ZNF521: variants seen among roughly 807,000 people sequenced by gnomAD.
ZNF521 encodes LYST-interacting protein 3.
A neutral mutation model predicts 105.5 loss-of-function variants in ZNF521; 14 were observed. That is an observed-to-expected ratio of 0.13 (90% CI 0.09 to 0.21). The LOEUF (loss-of-function observed/expected upper bound fraction) is 0.21. Among genes scored for constraint, ZNF521 ranks in the 10% least tolerant of loss-of-function variants. ZNF521 has a pLI of 1.00. For missense variants in ZNF521, 1,233 were observed against 1,629.7 expected (o/e 0.76, Z 4.19); for synonymous variants, 635 against 606.0 (o/e 1.05, Z -0.70).
At chr18:25,094,524 T>A (rs2033812503) in intron 5 of ZNF521, among the ~76,000 whole-genome samples, 1 of 152,096 alleles carries the variant, frequency 6.6e-6, no homozygotes, top group Non-Finnish European at 1.5e-5. Flanking sequence ...ACAGCAATGA[T>A]AACAATCACA....
At chr18:25,089,841 T>A (rs1233404381) in intron 6 of ZNF521, among the ~76,000 whole-genome samples, 1 of 151,998 alleles carries the variant, frequency 6.6e-6, no homozygotes, top group Non-Finnish European at 1.5e-5. Context: ...TATAAATCTT[T>A]AAAAAATAAA....
intron 7 of ZNF521, among the ~76,000 whole-genome samples, chr18:25,072,381 G>A (rs1004101700): frequency 1.1e-4 from 16 of 152,230 alleles, no homozygotes; most frequent in Admixed American, 5.9e-4. Context: ...TGTTAACATC[G>A]TGACAATCCC....
intron 3 of ZNF521, among the ~76,000 whole-genome samples, chr18:25,235,030 T>G (rs1001812105): frequency 2.0e-5 from 3 of 152,178 alleles, no homozygotes; most frequent in Non-Finnish European, 2.9e-5. Flanking sequence ...TGAATGCTAC[T>G]CACAGATATC....
chr18:25,223,349 C>T (rs190553908), intron 4 of ZNF521, among the ~76,000 whole-genome samples: 1 of 152,332 alleles, frequency 6.6e-6, no homozygotes, highest in Non-Finnish European at 1.5e-5. Context: ...CTTCTCAGCC[C>T]GCCCCTGCCA....
chr18:25,109,703 G>A (rs1373342441), intron 5 of ZNF521, among the ~76,000 whole-genome samples: 3 of 152,146 alleles, frequency 2.0e-5, no homozygotes, highest in African/African-American at 7.2e-5. Flanking sequence ...GATGATTAGT[G>A]ATGTTGAGCA....
At chr18:25,100,718 A>T (rs2033949903) in intron 5 of ZNF521, among the ~76,000 whole-genome samples, 1 of 152,198 alleles carries the variant, frequency 6.6e-6, no homozygotes, top group African/African-American at 2.4e-5. Flanking sequence ...AAACGCAATA[A>T]GATTTCTAAA....
intron 3 of ZNF521, among the ~76,000 whole-genome samples, chr18:25,317,911 A>T (rs1394656232): frequency 6.6e-6 from 1 of 152,180 alleles, no homozygotes; most frequent in Non-Finnish European, 1.5e-5. Flanking sequence ...GGAAGTTTCT[A>T]ATAGAGATTA....
At position 25,255,694 on chromosome 18, in the gene ZNF521, A is replaced by G. The variant is rs189745934; in HGVS notation, c.221-27997T>C. Among the ~76,000 whole-genome samples the G allele has an allele frequency of 3.2e-3, 482 of 152,144 alleles. 2 individuals carry two copies. The highest frequency in any genetic ancestry group is 0.011 in the African/African-American group (468 of 41,514). ...GAGGCTAAGAAGATATGAAGATGAA[A>G]ATGACCCAGTCATTGGTCTCAAGTC... is the stretch of plus-strand genomic sequence containing the variant. On this transcript the variant is annotated intron_variant, in intron 3 of 7. Transcript: ENST00000361524.
At chr18:25,184,994 G>T (rs1488528443) in intron 5 of ZNF521, among the ~76,000 whole-genome samples, 1 of 152,068 alleles carries the variant, frequency 6.6e-6, no homozygotes, top group African/African-American at 2.4e-5. Context: ...CGGGAAACAG[G>T]CTATTTTGTA....
chr18:25,208,680 A>C (rs1479641350), intron 4 of ZNF521, among the ~76,000 whole-genome samples: 4 of 152,204 alleles, frequency 2.6e-5, no homozygotes, highest in Admixed American at 6.5e-5. Context: ...ATTTATCAAT[A>C]GCTTTTGCAA....
chr18:25,225,968 C>A lies in ZNF521; in HGVS notation c.1950G>T (p.Gln650His). ...GAKYTSLDSFQTHLKTHLDTV... is the reference protein window; with the variant it reads ...GAKYTSLDSFHTHLKTHLDTV... ...TGTCGAGATGAGTTTTTAGGTGAGT[C>A]TGAAAGCTGTCTAGGGATGTGTACT... Residue 650 changes from glutamine (Q) to histidine (H), a missense_variant, in exon 4 of 8, where the codon CAG (glutamine) becomes CAT (histidine). Physicochemically the swap from Gln to His is conservative, Grantham distance 24. Around this residue, in one of 6 missense-constraint regions of ZNF521, gnomAD observed 614 missense variants for 751.5 expected, o/e 0.82. Coordinates refer to ENST00000361524, the MANE Select transcript of ZNF521 (RefSeq NM_015461.3). This position sits in a 1 kb window ranked among gnomAD's most constrained non-coding sequence, Gnocchi z 5.6. 1 of 1,614,134 alleles carries A rather than the reference C, an allele frequency of 6.2e-7. No individual in the cohort carries two copies. The highest frequency in any genetic ancestry group is 8.5e-7 in the Non-Finnish European group (1 of 1,180,024).
At position 25,070,802 on chromosome 18, in the gene ZNF521, C is replaced by T. The variant is rs557341413; in HGVS notation, c.3907-8061G>A. Among the ~76,000 whole-genome samples, 33 of 152,180 alleles carry T rather than the reference C, an allele frequency of 2.2e-4. No individual in the cohort carries two copies. In the South Asian group the frequency reaches 6.2e-3, roughly 29 times the overall value. ...CCCACCAGGGAGATATTGAGGAACA[C>T]TGCCTTATACTGTTTGAAAAACACT... On this transcript the variant is annotated intron_variant, in intron 7 of 7. Coordinates refer to ENST00000361524, the MANE Select transcript of ZNF521 (RefSeq NM_015461.3).
chr18:25,339,414 A>G (rs1914076390), intron 2 of ZNF521, among the ~76,000 whole-genome samples: 1 of 152,172 alleles, frequency 6.6e-6, no homozygotes, highest in Admixed American at 6.5e-5. Context: ...TCCTTCCCTG[A>G]CCTCACTGAT....
chr18:25,151,928 T>C (rs2035054474), intron 5 of ZNF521, among the ~76,000 whole-genome samples: 1 of 152,218 alleles, frequency 6.6e-6, no homozygotes, highest in African/African-American at 2.4e-5. Context: ...TCCTTTCTTA[T>C]GGAACGGGGG....
chr18:25,077,491 A>C (rs2033390617), intron 7 of ZNF521, among the ~76,000 whole-genome samples: 1 of 151,704 alleles, frequency 6.6e-6, no homozygotes, highest in Admixed American at 6.6e-5. Context: ...CGTGCCCCCC[A>C]CATAGCAGCA....
chr18:25,347,647 C>G (rs1394204047), intron 2 of ZNF521, among the ~76,000 whole-genome samples: 4 of 152,106 alleles, frequency 2.6e-5, no homozygotes, highest in Admixed American at 6.5e-5. Flanking sequence ...CATACTTTTT[C>G]AAGTAAACAT....
At chr18:25,285,556 C>CGA (rs1014719720) in intron 3 of ZNF521, among the ~76,000 whole-genome samples, 1 of 152,134 alleles carries the variant, frequency 6.6e-6, no homozygotes, top group African/African-American at 2.4e-5. Flanking sequence ...ATACATTACC[C>CGA]GAGGACAGGC....
intron 2 of ZNF521, chr18:25,345,315 A>C (rs984016273): frequency 6.6e-6 from 1 of 152,242 alleles, no homozygotes; most frequent in Non-Finnish European, 1.5e-5. Context: ...AGTAAGGATA[A>C]CTACAGTGGT....
chr18:25,316,259 G>A (rs976846504), intron 3 of ZNF521, among the ~76,000 whole-genome samples: 1 of 148,216 alleles, frequency 6.7e-6, no homozygotes, highest in Non-Finnish European at 1.5e-5. Context: ...GAAAGGACCG[G>A]AATGAGAGGA....
Sources: gnomAD v4.1 joint callset for allele counts (sites outside exome capture counted in the v4.1 genomes callset) on GRCh38, gnomAD v4.1.1 for gene constraint, gnomAD v4.1.1 regional missense constraint, Gnocchi (gnomAD v3.1) non-coding constraint, MANE v1.5 for transcripts, NCBI Gene and HGNC (gene_info 2026-07-23, HGNC 2026-07-21) for gene names.